The following RUNX2 variants were observed in gnomAD, a reference collection of about 807,000 sequenced individuals.
RUNX2 encodes the protein runt-related transcription factor 2.
A neutral mutation model predicts 51.7 loss-of-function variants in RUNX2; 10 were observed. The ratio of observed to expected loss-of-function variants is 0.19; its 90% CI spans 0.12 to 0.33. The LOEUF (loss-of-function observed/expected upper bound fraction) is 0.33. RUNX2 is among the 10% of genes least tolerant of loss of function. The pLI is 1.00. For missense variants in RUNX2, 562 were observed against 691.3 expected, an observed-to-expected ratio of 0.81 and a Z score of 2.10; for synonymous variants, 276 against 273.6, an observed-to-expected ratio of 1.01 and a Z score of -0.09.
intron 6 of RUNX2, among the ~76,000 whole-genome samples, chr6:45,502,695 C>T (rs1800832839): frequency 6.6e-6 from 1 of 152,192 alleles, no homozygotes; most frequent in South Asian, 2.1e-4. Context: ...TGTTTTCTCT[C>T]CACACCCTTT....
chr6:45,497,397 A>G (rs1458082655), intron 6 of RUNX2, among the ~76,000 whole-genome samples: 1 of 152,188 alleles, frequency 6.6e-6, no homozygotes, highest in Non-Finnish European at 1.5e-5. Flanking sequence ...GCTGCTAGAT[A>G]GTCCATCATG....
At position 45,422,484 on chromosome 6, in the gene RUNX2, C is replaced by G. The variant is rs907761217; in HGVS notation, c.59-109C>G. 1.2e-5 allele frequency: 7 copies of G among 593,912 alleles called. No individual in the cohort carries two copies. The Admixed American group carries it at 2.2e-4, about 19-fold the overall frequency. 36.8% of individuals were successfully genotyped at this position (593,912 alleles called of 1,614,324 possible). On this transcript the variant is annotated intron_variant, in intron 2 of 8. Coordinates refer to ENST00000647337, the MANE Select transcript of RUNX2 (RefSeq NM_001024630.4). ...CCATCACCTCCATCCTCTTTCCCCCCGTCTCGCCTTCACCCCCCCAATTTC... is the reference window on the plus strand; with the variant it reads ...CCATCACCTCCATCCTCTTTCCCCCGGTCTCGCCTTCACCCCCCCAATTTC...
At chr6:45,478,491 T>A (rs1800021419) in intron 5 of RUNX2, among the ~76,000 whole-genome samples, 1 of 152,232 alleles carries the variant, frequency 6.6e-6, no homozygotes, top group Non-Finnish European at 1.5e-5. Flanking sequence ...GCCTCACAAC[T>A]AACTTAGTAG....
rs769836316 is a variant in RUNX2 at position 45,422,739 on chromosome 6, C to A, written c.205C>A (p.Gln69Lys). 6.4e-7 allele frequency: 1 copy of A among 1,565,580 alleles called. No individual in the cohort carries two copies. Among genetic ancestry groups the A allele is most frequent in the Non-Finnish European group, 8.6e-7 (1 of 1,159,936 alleles). ...GCAGCAGCAGCAGCAACAGCAGCAG[C>A]AGCAGCAGGAGGCGGCGGCGGCGGC... Reference protein sequence around the residue: ...QQQQQQQQQQQQQEAAAAAAA... With the variant: ...QQQQQQQQQQKQQEAAAAAAA... Residue 69 changes from glutamine to lysine, a missense_variant, in exon 3 of 9, where the codon CAG becomes AAG. Transcript: ENST00000647337.
chr6:45,378,462 A>C (rs1197649537), intron 2 of RUNX2, among the ~76,000 whole-genome samples: 2 of 152,210 alleles, frequency 1.3e-5, no homozygotes, highest in Admixed American at 6.5e-5. Flanking sequence ...GCCGCAGTAC[A>C]GGCGTGTGGA....
At chr6:45,491,601 C>A (rs1800466375) in intron 5 of RUNX2, among the ~76,000 whole-genome samples, 1 of 149,848 alleles carries the variant, frequency 6.7e-6, no homozygotes, top group East Asian at 1.9e-4. Flanking sequence ...CAAACACCCC[C>A]AATACACATC....
At chr6:45,431,792 A>G (rs531731264) in intron 3 of RUNX2, 71 bp from the exon 4 acceptor site, 22 of 1,526,656 alleles carry the variant, frequency 1.4e-5, no homozygotes, top group Admixed American at 3.3e-5. Context: ...ATCATTTGCA[A>G]TGAGAATATA....
rs758120505 is a variant in RUNX2, at chr6:45,512,287, C to G, written c.901C>G (p.Gln301Glu). ...GTCTTCCCCGCCGTGGTCCTATGACCAGTCTTACCCCTCCTACCTGAGCCA... is the reference window on the plus strand; with the variant it reads ...GTCTTCCCCGCCGTGGTCCTATGACGAGTCTTACCCCTCCTACCTGAGCCA... Reference protein sequence around the residue: ...AQSSPPWSYDQSYPSYLSQMT... With the variant: ...AQSSPPWSYDESYPSYLSQMT... Residue 301 changes from glutamine (Q) to glutamate (E), a missense_variant, in exon 7 of 9, where the codon CAG (glutamine) becomes GAG (glutamate). By Grantham distance (29) the Gln-to-Glu change is conservative (BLOSUM62 2). Coordinates refer to ENST00000647337, the MANE Select transcript of RUNX2 (RefSeq NM_001024630.4). 9.3e-6 allele frequency: 15 copies of G among 1,614,128 alleles called. No homozygotes were observed. The highest frequency in any genetic ancestry group is 1.1e-5 in the Non-Finnish European group (13 of 1,180,022).
rs776620417 is a variant in RUNX2 at position 45,422,543 on chromosome 6, C to T, written c.59-50C>T. On this transcript the variant is annotated intron_variant, in intron 2 of 8. Transcript: ENST00000647337. ...CCCTCATTTCCACCCTCCTCCCCCT[C>T]CCCCGGCCACTTCGCTAACTTGTGG... 14 of 1,453,002 alleles carry T rather than the reference C, an allele frequency of 9.6e-6. No homozygotes were observed. The African/African-American group carries it at 1.2e-4, about 12-fold the overall frequency. The allele number at this position is 1,453,002 out of a possible 1,614,324, so 90.0% of individuals were successfully genotyped here. A position where few individuals can be genotyped will look rare whatever the true frequency, so the allele number is the denominator to read the frequency against.
rs187111790 is a variant in RUNX2 at position 45,486,503 on chromosome 6, T to A, written c.686-5438T>A. Among the ~76,000 whole-genome samples, 22 of 152,308 alleles carry A rather than the reference T, an allele frequency of 1.4e-4. No individual in the cohort carries two copies. The East Asian group carries it at 3.3e-3, about 23-fold the overall frequency. ...AATTATGTTTTCATGATACTTAGGA[T>A]ACAGGTAAATACCTAGGGAATTTTT... On this transcript the variant is annotated intron_variant, in intron 5 of 8. Coordinates refer to ENST00000647337, the MANE Select transcript of RUNX2 (RefSeq NM_001024630.4).
chr6:45,527,785 T>A (rs1299071386), intron 7 of RUNX2, among the ~76,000 whole-genome samples: 2 of 152,210 alleles, frequency 1.3e-5, no homozygotes, highest in African/African-American at 4.8e-5. Context: ...AATCTTCTGA[T>A]TTCCAATAGC....
chr6:45,378,067 T>G (rs983915579), intron 2 of RUNX2: 2 of 151,948 alleles, frequency 1.3e-5, no homozygotes, highest in African/African-American at 4.8e-5. Context: ...CTTGGCCAGG[T>G]GGCGCGCGCT....
chr6:45,484,754 A>G (rs973585831), intron 5 of RUNX2, among the ~76,000 whole-genome samples: 27 of 152,214 alleles, frequency 1.8e-4, no homozygotes, highest in Admixed American at 1.5e-3. Context: ...TGCAATCGTG[A>G]CTTTAAAATT....
intron 6 of RUNX2, among the ~76,000 whole-genome samples, chr6:45,510,759 G>A (rs1226484965): frequency 6.6e-6 from 1 of 151,314 alleles, no homozygotes; most frequent in Non-Finnish European, 1.5e-5. Flanking sequence ...ATATATATAT[G>A]TATATAAAAT....
At chr6:45,542,991 C>G (rs1032826617) in intron 7 of RUNX2, among the ~76,000 whole-genome samples, 17 of 152,118 alleles carry the variant, frequency 1.1e-4, no homozygotes, top group Non-Finnish European at 2.1e-4. Context: ...CCTCAACCAG[C>G]ATAAAGGAGT....
intron 6 of RUNX2, among the ~76,000 whole-genome samples, chr6:45,502,525 A>C (rs1349479979): frequency 1.3e-5 from 2 of 152,094 alleles, no homozygotes; most frequent in Admixed American, 6.5e-5. Flanking sequence ...AGGCAGGCCT[A>C]TTACTCAAGG....
At chr6:45,414,990 T>C (rs1237423746) in intron 2 of RUNX2, among the ~76,000 whole-genome samples, 1 of 152,066 alleles carries the variant, frequency 6.6e-6, no homozygotes, top group African/African-American at 2.4e-5. Context: ...TTAAAATATA[T>C]GTCCTCTAAT....
rs149596799 is a variant in RUNX2, at chr6:45,384,367, C to T, written c.59-38226C>T. On this transcript the variant is annotated intron_variant, in intron 2 of 8. Transcript: ENST00000647337. ...TGGCATGATCTCAGCTCACTGCAAC[C>T]TCTACCTCCGGTGTTCAAGCTATTC... 3.0e-4 allele frequency among the ~76,000 whole-genome samples: 45 copies of T among 152,192 alleles called. 1 individual carries two copies. The East Asian group carries it at 8.7e-3, about 29-fold the overall frequency.
intron 2 of RUNX2, among the ~76,000 whole-genome samples, chr6:45,416,741 T>C (rs778320710): frequency 6.6e-6 from 1 of 152,218 alleles, no homozygotes; most frequent in South Asian, 2.1e-4. Context: ...GTTTAGTAAG[T>C]TGGTATTTTA....
Sources: gnomAD v4.1 joint callset for allele counts (sites outside exome capture counted in the v4.1 genomes callset) on GRCh38, gnomAD v4.1.1 for gene constraint, MANE v1.5 for transcripts, NCBI Gene and HGNC (gene_info 2026-07-23, HGNC 2026-07-21) for gene names.